The following LPAR1 variants were observed in gnomAD, a reference collection of about 807,000 sequenced individuals.
LPAR1 encodes lysophosphatidic acid receptor 1.
A neutral mutation model predicts 23.8 loss-of-function variants in LPAR1; 5 were observed. The ratio of observed to expected loss-of-function variants is 0.21; its 90% confidence interval spans 0.11 to 0.44. The LOEUF is 0.44. LPAR1 is among the 20% of genes least tolerant of loss of function. The probability of loss-of-function intolerance (pLI) is 0.99; values close to 1 mark genes in which losing one functional copy is unlikely to be tolerated. For missense variants in LPAR1, 311 were observed against 482.8 expected (o/e 0.64, Z 3.33); for synonymous variants, 160 against 164.7 (o/e 0.97, Z 0.22).
At chr9:110,911,612 G>T (rs1320819546) in intron 5 of LPAR1, among the ~76,000 whole-genome samples, 1 of 152,028 alleles carries the variant, frequency 6.6e-6, no homozygotes. Flanking sequence ...TTTAATTTAA[G>T]AAAAAATATT....
chr9:110,970,987 T>G (rs536580503), intron 4 of LPAR1, among the ~76,000 whole-genome samples: 1 of 152,052 alleles, frequency 6.6e-6, no homozygotes, highest in Admixed American at 6.6e-5. Context: ...ATACAAAAAT[T>G]AGCTGGGCGT....
chr9:110,921,858 T>C (rs934546608), intron 5 of LPAR1, among the ~76,000 whole-genome samples: 1 of 152,216 alleles, frequency 6.6e-6, no homozygotes, highest in African/African-American at 2.4e-5. Flanking sequence ...CAGGTTATGA[T>C]GGACGTAATG....
intron 2 of LPAR1, among the ~76,000 whole-genome samples, chr9:110,987,932 ACAAT>A (rs767397982): frequency 6.6e-6 from 1 of 152,028 alleles, no homozygotes; most frequent in Non-Finnish European, 1.5e-5. Flanking sequence ...AGAAAAATGC[ACAAT>A]CAAATTTACA....
At chr9:110,919,147 T>C (rs1413066567) in intron 5 of LPAR1, among the ~76,000 whole-genome samples, 1 of 152,288 alleles carries the variant, frequency 6.6e-6, no homozygotes, top group Non-Finnish European at 1.5e-5. Context: ...CCTGGGTCAG[T>C]TGGACTGACT....
chr9:110,933,082 T>C (rs2094500299), intron 5 of LPAR1, among the ~76,000 whole-genome samples: 1 of 152,224 alleles, frequency 6.6e-6, no homozygotes, highest in Admixed American at 6.5e-5. Context: ...TTTCCTGTGA[T>C]GCTAACAGGA....
In LPAR1 at chr9:110,972,165, G is replaced by C; in HGVS notation, c.-48C>G. 1 of 1,576,314 alleles carries C rather than the reference G, an allele frequency of 6.3e-7. No individual in the cohort carries two copies. Among genetic ancestry groups the C allele is most frequent in the Middle Eastern group, 1.7e-4 (1 of 6,004 alleles). ...GTGAACACGCCCCAGAACTACGGGA[G>C]ACAAATTTTCTTGTTTGCTGATCAG... On this transcript the variant is annotated 5_prime_UTR_variant, in exon 4 of 6. Transcript: ENST00000683809.
intron 2 of LPAR1, among the ~76,000 whole-genome samples, chr9:110,989,442 A>G (rs1301257996): frequency 6.6e-6 from 1 of 152,236 alleles, no homozygotes; most frequent in Non-Finnish European, 1.5e-5. Context: ...GATAATGAAA[A>G]TAACAATAGA....
At chr9:111,012,166 G>C (rs986005799) in intron 2 of LPAR1, among the ~76,000 whole-genome samples, 1 of 152,138 alleles carries the variant, frequency 6.6e-6, no homozygotes, top group African/African-American at 2.4e-5. Flanking sequence ...TAAGAGAATT[G>C]CTTGAGCCTA....
chr9:110,976,670 A>G (rs1364152009), intron 2 of LPAR1, among the ~76,000 whole-genome samples: 2 of 152,116 alleles, frequency 1.3e-5, no homozygotes, highest in South Asian at 2.1e-4. Flanking sequence ...AGGCTCTCCA[A>G]CTGCCCTTGG....
chr9:110,914,834 C>G (rs2092904096), intron 5 of LPAR1, among the ~76,000 whole-genome samples: 1 of 152,070 alleles, frequency 6.6e-6, no homozygotes, highest in Non-Finnish European at 1.5e-5. Context: ...TGTGTTTTAC[C>G]TTTCCTGCTT....
Position 111,012,121 on chromosome 9 carries a change from C to T in LPAR1, c.-182+24001G>A, listed in dbSNP as rs573117008. Among the ~76,000 whole-genome samples, 7 of 152,114 alleles carry T rather than the reference C, an allele frequency of 4.6e-5. No homozygotes were observed. The South Asian group carries it at 1.0e-3, about 23-fold the overall frequency. Reference sequence around the variant, plus strand: ...TTTAAATTAGCCAGGCATGGTGGTGCACATCTGTGGTCCCAACTACTCAGG... The same window carrying T: ...TTTAAATTAGCCAGGCATGGTGGTGTACATCTGTGGTCCCAACTACTCAGG... On this transcript the variant is annotated intron_variant, in intron 2 of 5. Transcript: ENST00000683809.
At chr9:110,997,811 G>C (rs1449754904) in intron 2 of LPAR1, among the ~76,000 whole-genome samples, 1 of 152,180 alleles carries the variant, frequency 6.6e-6, no homozygotes. Context: ...AAGCTTTACT[G>C]CAGAATATAG....
At chr9:110,906,646 C>T (rs535566526) in intron 5 of LPAR1, among the ~76,000 whole-genome samples, 55 of 152,176 alleles carry the variant, frequency 3.6e-4, no homozygotes, top group African/African-American at 1.3e-3. Flanking sequence ...AAACAAAATG[C>T]TTCACAACAA....
intron 2 of LPAR1, among the ~76,000 whole-genome samples, chr9:111,012,889 A>C (rs1187038229): frequency 1.3e-5 from 2 of 152,140 alleles, no homozygotes; most frequent in African/African-American, 2.4e-5. Context: ...CTGTGACTGG[A>C]CAGGACAGAC....
intron 2 of LPAR1, among the ~76,000 whole-genome samples, chr9:111,032,216 T>C (rs2097808868): frequency 6.6e-6 from 1 of 152,136 alleles, no homozygotes; most frequent in African/African-American, 2.4e-5. Context: ...TACCCAGGAG[T>C]AGCGAAACTG....
intron 5 of LPAR1, among the ~76,000 whole-genome samples, chr9:110,932,072 AACG>A (rs562494365): frequency 2.4e-3 from 359 of 152,302 alleles, no homozygotes; most frequent in Non-Finnish European, 4.4e-3. Flanking sequence ...GCTTAATTAT[AACG>A]ACCTTATGGC....
chr9:110,917,471 G>C (rs1344470658), intron 5 of LPAR1, among the ~76,000 whole-genome samples: 1 of 152,152 alleles, frequency 6.6e-6, no homozygotes, highest in African/African-American at 2.4e-5. Flanking sequence ...ATATTAGAAA[G>C]CCACATGACT....
intron 2 of LPAR1, among the ~76,000 whole-genome samples, chr9:111,020,063 G>T (rs2097534411): frequency 6.6e-6 from 1 of 151,912 alleles, no homozygotes; most frequent in Non-Finnish European, 1.5e-5. Flanking sequence ...CTTCCCATAA[G>T]GCCACCAATC....
chr9:111,030,952 AC>A (rs1554744288), intron 2 of LPAR1, among the ~76,000 whole-genome samples: 1 of 152,140 alleles, frequency 6.6e-6, no homozygotes, highest in Non-Finnish European at 1.5e-5. Context: ...ACATATCCAC[AC>A]TTATCCCACA....
Sources: gnomAD v4.1 joint callset for allele counts (sites outside exome capture counted in the v4.1 genomes callset) on GRCh38, gnomAD v4.1.1 for gene constraint, MANE v1.5 for transcripts, NCBI Gene and HGNC (gene_info 2026-07-23, HGNC 2026-07-21) for gene names.